Variants in NEK10 observed in about 807,000 individuals in gnomAD.
NEK10 encodes the protein serine/threonine-protein kinase Nek10.
In NEK10, 122 loss-of-function variants were observed where a neutral mutation model predicts 159.8. The ratio of observed to expected loss-of-function variants is 0.76; its 90% confidence interval spans 0.66 to 0.89. The LOEUF (loss-of-function observed/expected upper bound fraction) is 0.89, where lower values mean the gene tolerates loss of function less well. NEK10 is among the 40% of genes least tolerant of loss of function. The pLI is 0.00. For missense variants in NEK10, 1,342 were observed against 1,323.1 expected (o/e 1.01, Z -0.22); for synonymous variants, 466 against 457.1 (o/e 1.02, Z -0.25).
chr3:27,163,115 C>CAA (rs79414896), intron 29 of NEK10, among the ~76,000 whole-genome samples: 8 of 151,528 alleles, frequency 5.3e-5, no homozygotes, highest in South Asian at 2.1e-4. Context: ...ATTAAAAAAA[C>CAA]AAAAAAAACC....
rs1939161181 is a variant in NEK10 at position 27,107,967 on chromosome 3, T to C, written c.*3305A>G. Among the ~76,000 whole-genome samples, 1 of 152,230 alleles carries C rather than the reference T, an allele frequency of 6.6e-6. No homozygotes were observed. The highest frequency in any genetic ancestry group is 1.5e-5 in the Non-Finnish European group (1 of 68,038). ...ATCAAAAAGAGGAATGTGGGTTCTA[T>C]GCATATTAATACTGATAAAATTCAC... On this transcript the variant is annotated 3_prime_UTR_variant, in exon 36 of 36. Transcript: ENST00000691995.
rs764183954 is a variant in NEK10, at chr3:27,108,905, C to T, written c.*2367G>A. 6.3e-4 allele frequency among the ~76,000 whole-genome samples: 96 copies of T among 152,184 alleles called. No individual in the cohort carries two copies. Among genetic ancestry groups the T allele is most frequent in the Non-Finnish European group, 1.2e-3 (83 of 68,032 alleles). Reference sequence around the variant, plus strand: ...TTAGAGACATGGGAAAATATAGACTCAGTGATTGTGGTAGTTTAGGGAGAA... The same window carrying T: ...TTAGAGACATGGGAAAATATAGACTTAGTGATTGTGGTAGTTTAGGGAGAA... On this transcript the variant is annotated 3_prime_UTR_variant, in exon 36 of 36. Coordinates refer to ENST00000691995, the MANE Select transcript of NEK10 (RefSeq NM_001394966.1).
In NEK10 at chr3:27,316,907, G is replaced by A. The variant is rs114956452; in HGVS notation, c.448-2569C>T. Among the ~76,000 whole-genome samples, 1,386 of 152,236 alleles carry A rather than the reference G, an allele frequency of 9.1e-3. 15 individuals are homozygous for A. The highest frequency in any genetic ancestry group is 0.032 in the African/African-American group (1,321 of 41,538). ...ATTCTCTATCTCAGGACTCTTTGGC[G>A]CTGCTGAGCACTATAAGTCTCTAAA... On this transcript the variant is annotated intron_variant, in intron 6 of 35. Coordinates refer to ENST00000691995, the MANE Select transcript of NEK10 (RefSeq NM_001394966.1).
At chr3:27,135,723 C>G (rs1943124851) in intron 31 of NEK10, among the ~76,000 whole-genome samples, 1 of 152,164 alleles carries the variant, frequency 6.6e-6, no homozygotes, top group Non-Finnish European at 1.5e-5. Flanking sequence ...AATGCTAAAA[C>G]AGAATGTTCA....
chr3:27,354,266 T>C (rs994778885), intron 1 of NEK10, among the ~76,000 whole-genome samples: 1 of 152,210 alleles, frequency 6.6e-6, no homozygotes, highest in Non-Finnish European at 1.5e-5. Flanking sequence ...CGTTTACCAC[T>C]ATCAAACTCG....
At chr3:27,316,792 A>AG (rs2045225270) in intron 6 of NEK10, among the ~76,000 whole-genome samples, 1 of 151,520 alleles carries the variant, frequency 6.6e-6, no homozygotes, top group South Asian at 2.1e-4. Flanking sequence ...AGAAAAAAGA[A>AG]AAAAAAAGAA....
intron 2 of NEK10, 115 bp from the exon 3 acceptor site, chr3:27,352,640 A>T: frequency 1.2e-6 from 1 of 844,618 alleles, no homozygotes; most frequent in South Asian, 1.5e-5. Context: ...TGGAATGAAT[A>T]CACACACTAA....
chr3:27,210,430 T>C (rs141878112), intron 23 of NEK10, among the ~76,000 whole-genome samples: 1 of 152,298 alleles, frequency 6.6e-6, no homozygotes, highest in African/African-American at 2.4e-5. Context: ...TAGCGATCTC[T>C]TAAAGGTCCC....
intron 23 of NEK10, among the ~76,000 whole-genome samples, chr3:27,222,652 C>A (rs997906897): frequency 3.3e-4 from 50 of 152,156 alleles, no homozygotes; most frequent in Non-Finnish European, 5.6e-4. Flanking sequence ...ATGTGTTTCA[C>A]AAAGAGGTAT....
chr3:27,140,460 A>G (rs879518609), intron 31 of NEK10, among the ~76,000 whole-genome samples: 6 of 152,226 alleles, frequency 3.9e-5, no homozygotes, highest in Admixed American at 6.5e-5. Flanking sequence ...GGCTTTCAGC[A>G]AATACTAGAC....
At chr3:27,144,724 A>G (rs1944129457) in intron 30 of NEK10, among the ~76,000 whole-genome samples, 1 of 152,018 alleles carries the variant, frequency 6.6e-6, no homozygotes. Context: ...TCCTTTTATT[A>G]CATTATTAAA....
chr3:27,116,443 A>G (rs1488371627), intron 33 of NEK10, among the ~76,000 whole-genome samples: 1 of 152,120 alleles, frequency 6.6e-6, no homozygotes, highest in Non-Finnish European at 1.5e-5. Flanking sequence ...GGTGATTCCC[A>G]ATGCAAATTA....
rs1271896867 is a variant in NEK10, at chr3:27,120,845, T to C, written c.3082-977A>G. Among the ~76,000 whole-genome samples, 9 of 152,178 alleles carry C rather than the reference T, an allele frequency of 5.9e-5. No homozygotes were observed. In the South Asian group the frequency reaches 1.9e-3, roughly 32 times the overall value. On this transcript the variant is annotated intron_variant, in intron 32 of 35. Coordinates refer to ENST00000691995, the MANE Select transcript of NEK10 (RefSeq NM_001394966.1). Reference sequence around the variant, plus strand: ...CTCCTTTCACCTTTAATTCCAATTATCACTTGGGCTGGCCAAATTTTAGTG... The same window carrying C: ...CTCCTTTCACCTTTAATTCCAATTACCACTTGGGCTGGCCAAATTTTAGTG...
chr3:27,350,602 C>G (rs58943232), intron 3 of NEK10, among the ~76,000 whole-genome samples: 49,603 of 151,924 alleles, frequency 0.33, 10,194 homozygotes, highest in East Asian at 0.74. Flanking sequence ...CTGAATAACT[C>G]AAGCATTACA....
chr3:27,126,068 T>C (rs1941910745), intron 32 of NEK10, among the ~76,000 whole-genome samples: 1 of 152,162 alleles, frequency 6.6e-6, no homozygotes, highest in Non-Finnish European at 1.5e-5. Flanking sequence ...ATAAGGGTTG[T>C]GCAAACCTAA....
intron 13 of NEK10, among the ~76,000 whole-genome samples, chr3:27,300,948 C>CT (rs754347559): frequency 6.6e-6 from 1 of 152,188 alleles, no homozygotes; most frequent in Non-Finnish European, 1.5e-5. Context: ...CAAGGAAAGC[C>CT]TGCCCTCTCC....
At chr3:27,198,249 G>T (rs1482746477) in intron 25 of NEK10, among the ~76,000 whole-genome samples, 1 of 149,072 alleles carries the variant, frequency 6.7e-6, no homozygotes, top group Non-Finnish European at 1.5e-5. Flanking sequence ...AACTACCAGT[G>T]ACATTCTTCA....
chr3:27,193,222 C>T (rs1949262082), intron 25 of NEK10, among the ~76,000 whole-genome samples: 3 of 152,118 alleles, frequency 2.0e-5, no homozygotes. Context: ...TTCTTGAATC[C>T]ACATCCTTCC....
chr3:27,283,107 C>T lies in NEK10; in HGVS notation c.2014+1495G>A, dbSNP rs555951513. The stretch of plus-strand genomic sequence containing the variant: ...ATATATTAATATGATGTTCTACTTA[C>T]GAAAATTTGGACAGTAAATCTTATC... On this transcript the variant is annotated intron_variant, in intron 22 of 35. Coordinates refer to ENST00000691995, the MANE Select transcript of NEK10 (RefSeq NM_001394966.1). Among the ~76,000 whole-genome samples, 16 of 152,002 alleles carry T rather than the reference C, an allele frequency of 1.1e-4. No homozygotes were observed. In the South Asian group the frequency reaches 2.7e-3, roughly 26 times the overall value.
Sources: gnomAD v4.1 joint callset for allele counts (sites outside exome capture counted in the v4.1 genomes callset) on GRCh38, gnomAD v4.1.1 for gene constraint, MANE v1.5 for transcripts, NCBI Gene and HGNC (gene_info 2026-07-23, HGNC 2026-07-21) for gene names.